ACCSL: variants seen among roughly 807,000 people sequenced by gnomAD.
The protein encoded by ACCSL is 1-aminocyclopropane-1-carboxylate synthase homolog (inactive) like.
A neutral mutation model predicts 61.7 loss-of-function variants in ACCSL; 55 were observed. That is an observed-to-expected ratio of 0.89 (90% CI 0.72 to 1.12). ACCSL has a LOEUF of 1.12. ACCSL is among the 50% of genes most tolerant of loss of function. ACCSL has a pLI of 0.00. For synonymous variants in ACCSL, 258 were observed against 264.3 expected (o/e 0.98, Z 0.23); for missense variants, 632 against 698.0 (o/e 0.91, Z 1.07).
chr11:43,945,026 A>C, the ACCSL span: 1 of 152,572 alleles, frequency 6.6e-6, no homozygotes, highest in Non-Finnish European at 1.5e-5. Context: ...TGGAGAAGAC[A>C]GCAGAGGAAA....
the ACCSL span, among the ~76,000 whole-genome samples, chr11:44,017,187 G>A: frequency 2.0e-5 from 3 of 152,180 alleles, no homozygotes; most frequent in African/African-American, 7.2e-5. Context: ...AAGGTGGCCT[G>A]GGCTGTTCCA....
the ACCSL span, among the ~76,000 whole-genome samples, chr11:43,999,197 G>A: frequency 9.9e-5 from 15 of 152,094 alleles, no homozygotes; most frequent in African/African-American, 1.7e-4. Context: ...AACATTTACC[G>A]AACCCTTACA....
At chr11:43,939,355 C>T in the ACCSL span, among the ~76,000 whole-genome samples, 1 of 152,292 alleles carries the variant, frequency 6.6e-6, no homozygotes, top group South Asian at 2.1e-4. Context: ...GGCAGTTTCC[C>T]ACTCCTGGTA....
At chr11:43,958,331 G>A in the ACCSL span, among the ~76,000 whole-genome samples, 1 of 152,118 alleles carries the variant, frequency 6.6e-6, no homozygotes, top group African/African-American at 2.4e-5. Flanking sequence ...CTGCCAACTG[G>A]TTCTATGGCC....
chr11:43,971,672 C>T, the ACCSL span: 1 of 152,314 alleles, frequency 6.6e-6, no homozygotes, highest in African/African-American at 2.4e-5. Context: ...AGGGGCCACC[C>T]TGAGGATGTC....
chr11:44,053,441 T>C lies in ACCSL; in HGVS notation c.984T>C (p.Pro328=). 6.2e-7 allele frequency: 1 copy of C among 1,614,192 alleles called. No homozygotes were observed. The highest frequency in any genetic ancestry group is 8.5e-7 in the Non-Finnish European group (1 of 1,180,038). ...KKVRGLVLIN[P]QNPLGDIYSP... ...TCCGAGGCCTTGTGCTAATCAACCC[T>C]CAGAATCCTCTGGGTGACATCTACT... The change falls in exon 8 of 14, where the codon CCT becomes CCC. Residue 328 remains proline (P), a synonymous_variant. Transcript: ENST00000378832.
the ACCSL span, among the ~76,000 whole-genome samples, chr11:44,030,086 G>GTTTTTTTTTTTTTTTTTTT: frequency 2.3e-4 from 2 of 8,676 alleles, no homozygotes; most frequent in African/African-American, 4.4e-4. Context: ...TTTTTTTTTA[G>GTTTTTTTTTTTTTTTTTTT]TATAAAGGGG....
At position 44,058,348 on chromosome 11, in the gene ACCSL, T is replaced by C. The variant is rs370600279; in HGVS notation, c.1359T>C (p.Asn453=). 1.4e-5 allele frequency: 23 copies of C among 1,614,142 alleles called. No homozygotes were observed. The highest frequency in any genetic ancestry group is 1.3e-4 in the East Asian group (6 of 44,892). Residue 453 remains asparagine, a synonymous_variant, in exon 12 of 14, where the codon AAT becomes AAC. Coordinates refer to ENST00000378832, the MANE Select transcript of ACCSL (RefSeq NM_001031854.2). ...EWIDKVYLPT[N]CYRLREAHKY... ...TTGACAAAGTATACCTACCCACCAA[T>C]TGCTACCGGCTCCGGGAAGCTCACA...
At chr11:43,929,037 G>C in the ACCSL span, among the ~76,000 whole-genome samples, 8 of 152,216 alleles carry the variant, frequency 5.3e-5, no homozygotes, top group African/African-American at 1.4e-4. Flanking sequence ...TCTAGTTCCA[G>C]CTCCTCCACT....
chr11:44,015,439 C>T, the ACCSL span, among the ~76,000 whole-genome samples: 1 of 152,094 alleles, frequency 6.6e-6, no homozygotes, highest in Non-Finnish European at 1.5e-5. Context: ...GAGACAGGGC[C>T]GTCTACCAGA....
the ACCSL span, among the ~76,000 whole-genome samples, chr11:44,000,725 A>AAAAGAAAGAAAGAAAGAAAGAAAGAAAG: frequency 1.4e-3 from 207 of 146,808 alleles, no homozygotes; most frequent in Middle Eastern, 3.4e-3. Context: ...TCTGCCTCAA[A>AAAAGAAAGAAAGAAAGAAAGAAAGAAAG]AAAGAAAGAA....
chr11:43,981,686 C>T, the ACCSL span, among the ~76,000 whole-genome samples: 1 of 152,132 alleles, frequency 6.6e-6, no homozygotes, highest in Non-Finnish European at 1.5e-5. Flanking sequence ...CCCAGAAGGC[C>T]ACCTGGGAAG....
At chr11:44,053,528 A>C in intron 8 of ACCSL, 22 bp downstream of exon 8, 1 of 1,590,132 alleles carries the variant, frequency 6.3e-7, no homozygotes, top group South Asian at 1.1e-5. Context: ...ACCCCTTGAG[A>C]CTAGGTAATG....
At chr11:43,931,603 T>C in the ACCSL span, among the ~76,000 whole-genome samples, 1 of 152,214 alleles carries the variant, frequency 6.6e-6, no homozygotes, top group African/African-American at 2.4e-5. Context: ...CTGACATCTC[T>C]GAGCCTCTTT....
At chr11:43,982,052 G>A in the ACCSL span, among the ~76,000 whole-genome samples, 1 of 152,094 alleles carries the variant, frequency 6.6e-6, no homozygotes, top group Admixed American at 6.5e-5. Context: ...CTGGAGCAGA[G>A]GGGGAGCTGT....
At chr11:43,933,180 G>A in the ACCSL span, 15 of 456,232 alleles carry the variant, frequency 3.3e-5, 1 homozygote, top group South Asian at 2.3e-4. Context: ...TGGAATCATG[G>A]TACTGGCTCA....
chr11:44,031,917 C>T, the ACCSL span, among the ~76,000 whole-genome samples: 7 of 152,162 alleles, frequency 4.6e-5, no homozygotes, highest in South Asian at 6.2e-4. Context: ...GCATGTTTCA[C>T]GGCCACCACA....
At chr11:43,978,319 C>A in the ACCSL span, among the ~76,000 whole-genome samples, 1 of 152,094 alleles carries the variant, frequency 6.6e-6, no homozygotes, top group Non-Finnish European at 1.5e-5. Flanking sequence ...CTCTAGGAAG[C>A]TCTTGCTCAA....
chr11:43,927,499 A>G, the ACCSL span, among the ~76,000 whole-genome samples: 2 of 152,358 alleles, frequency 1.3e-5, no homozygotes, highest in Admixed American at 1.3e-4. Flanking sequence ...GAATCCTCAC[A>G]GCAGCCCATA....
Sources: gnomAD v4.1 joint callset for allele counts (sites outside exome capture counted in the v4.1 genomes callset) on GRCh38, gnomAD v4.1.1 for gene constraint, MANE v1.5 for transcripts, NCBI Gene and HGNC (gene_info 2026-07-23, HGNC 2026-07-21) for gene names.